ZCCHC14: variants seen among roughly 807,000 people sequenced by gnomAD.
The protein encoded by ZCCHC14 is zinc finger CCHC domain-containing protein 14.
A neutral mutation model predicts 85.0 loss-of-function variants in ZCCHC14; 16 were observed. That is an observed-to-expected ratio of 0.19 (90% CI 0.13 to 0.29). ZCCHC14 has a LOEUF of 0.29. ZCCHC14 is among the 10% of genes least tolerant of loss of function. The pLI is 1.00. For synonymous variants in ZCCHC14, 775 were observed against 630.7 expected, an observed-to-expected ratio of 1.23 and a Z score of -3.43; for missense variants, 1,303 against 1,443.5, an observed-to-expected ratio of 0.90 and a Z score of 1.58.
chr16:87,436,991 C>A (rs539477606), intron 2 of ZCCHC14, among the ~76,000 whole-genome samples: 3 of 152,246 alleles, frequency 2.0e-5, no homozygotes, highest in South Asian at 2.1e-4. Flanking sequence ...TGGCCGCCTT[C>A]CCCTCCCTCC....
chr16:87,427,981 T>G (rs1909461817), intron 3 of ZCCHC14, among the ~76,000 whole-genome samples: 1 of 151,036 alleles, frequency 6.6e-6, no homozygotes, highest in African/African-American at 2.4e-5. Context: ...CTCACTGTGT[T>G]GCCCAGGCTA....
intron 1 of ZCCHC14, chr16:87,467,533 A>C (rs1911582150): frequency 6.2e-7 from 1 of 1,602,108 alleles, no homozygotes; most frequent in South Asian, 1.1e-5. Context: ...CAGTAGGATC[A>C]GAAGCCTATT....
chr16:87,444,671 A>G (rs1028279260), intron 2 of ZCCHC14, among the ~76,000 whole-genome samples: 2 of 152,202 alleles, frequency 1.3e-5, no homozygotes, highest in East Asian at 3.8e-4. Flanking sequence ...AGAAGTATCA[A>G]ACAAACCCAG....
intron 1 of ZCCHC14, among the ~76,000 whole-genome samples, chr16:87,485,816 T>C (rs1169593302): frequency 1.3e-5 from 2 of 152,156 alleles, no homozygotes; most frequent in Non-Finnish European, 2.9e-5. Flanking sequence ...GAAAAGCATG[T>C]TAATTCAAAA....
rs1169706788 is a variant in ZCCHC14 at position 87,410,307 on chromosome 16, T to C, written c.3234A>G (p.Pro1078=). ...AATCTGTGGAGTCCAGACTTTCTGC[T>C]GGAGGGGCGTATTTCAACCTAAAAG... The part of the protein sequence containing the change: ...PGTFRLKYAP[P]AESLDSTD The change falls in exon 13 of 13, where the codon CCA becomes CCG. Residue 1078 remains proline (P), a synonymous_variant. Transcript: ENST00000671377. The C allele has an allele frequency of 1.3e-6, 1 of 776,814 alleles. No individual in the cohort carries two copies. Among genetic ancestry groups the C allele is most frequent in the Non-Finnish European group, 2.4e-6 (1 of 416,698 alleles). The allele number at this position is 776,814 out of a possible 1,614,324, so 48.1% of individuals were successfully genotyped here.
chr16:87,411,922 G>A lies in ZCCHC14; in HGVS notation c.2799C>T (p.Ser933=). 6.2e-7 allele frequency: 1 copy of A among 1,602,672 alleles called. No homozygotes were observed. The highest frequency in any genetic ancestry group is 1.1e-5 in the South Asian group (1 of 90,228). ...TGACAGTCAGGCCACTCGAGCCGCA[G>A]CTGCCGCTGCAGCCACAGGACGTGC... ...IVCTSCGCSG[S]CGSSGLTVSY... is the part of the protein sequence containing the mutation. Residue 933 remains serine (S), a synonymous_variant, in exon 12 of 13, where the codon AGC becomes AGT. Coordinates refer to ENST00000671377, the MANE Select transcript of ZCCHC14 (RefSeq NM_015144.3).
intron 2 of ZCCHC14, among the ~76,000 whole-genome samples, chr16:87,443,456 C>T (rs1910281290): frequency 6.6e-6 from 1 of 152,164 alleles, no homozygotes; most frequent in Non-Finnish European, 1.5e-5. Flanking sequence ...CTGACAGTGG[C>T]CAGGCATGGG....
chr16:87,417,924 C>T (rs566161044), intron 7 of ZCCHC14, 182 bp from the exon 8 acceptor site: 4 of 656,184 alleles, frequency 6.1e-6, no homozygotes, highest in Admixed American at 3.0e-5. Context: ...CCCCAACCAC[C>T]TTTCTGCAGC....
chr16:87,480,411 T>C (rs868321176), intron 1 of ZCCHC14, among the ~76,000 whole-genome samples: 1 of 151,794 alleles, frequency 6.6e-6, no homozygotes, highest in Non-Finnish European at 1.5e-5. Context: ...TCAAAAAAAA[T>C]AAATAAATAA....
chr16:87,479,409 T>A (rs1477552625), intron 1 of ZCCHC14, among the ~76,000 whole-genome samples: 1 of 134,704 alleles, frequency 7.4e-6, no homozygotes, highest in Non-Finnish European at 1.5e-5. Flanking sequence ...AACGCAAGAC[T>A]ACGTCTCAAA....
chr16:87,430,962 A>G (rs1327809519), intron 3 of ZCCHC14, among the ~76,000 whole-genome samples: 1 of 151,750 alleles, frequency 6.6e-6, no homozygotes, highest in Non-Finnish European at 1.5e-5. Context: ...CAACACGGTG[A>G]AACCCTATCT....
At chr16:87,464,248 C>T (rs1266777687) in intron 1 of ZCCHC14, among the ~76,000 whole-genome samples, 1 of 152,180 alleles carries the variant, frequency 6.6e-6, no homozygotes, top group Non-Finnish European at 1.5e-5. Flanking sequence ...TAGTGCTTCT[C>T]GGCCTCGACA....
chr16:87,481,550 G>GGGGGGGGGGGGGGGGGGGGGGGA (rs1912276473), intron 1 of ZCCHC14, among the ~76,000 whole-genome samples: 1 of 61,666 alleles, frequency 1.6e-5, no homozygotes, highest in Non-Finnish European at 3.8e-5. Context: ...GGTGGGGGGG[G>GGGGGGGGGGGGGGGGGGGGGGGA]GGAAGGGTAA....
intron 3 of ZCCHC14, among the ~76,000 whole-genome samples, chr16:87,425,284 A>G (rs1909311086): frequency 6.6e-6 from 1 of 152,146 alleles, no homozygotes; most frequent in African/African-American, 2.4e-5. Context: ...ACCTAAAATG[A>G]AAATGCTTGA....
In ZCCHC14 at chr16:87,411,964, C is replaced by A. The variant is rs747726837; in HGVS notation, c.2757G>T (p.Pro919=). ...AGGACGTGCACACAATGCAGCCTGGCGGGGGTGGGGCGGGCTGCGGGGGTG... is the reference window on the plus strand; with the variant it reads ...AGGACGTGCACACAATGCAGCCTGGAGGGGGTGGGGCGGGCTGCGGGGGTG... ...PPAPPQPAPP[P]PGCIVCTSCG... Residue 919 remains proline, a synonymous_variant, in exon 12 of 13, where the codon CCG becomes CCT. Coordinates refer to ENST00000671377, the MANE Select transcript of ZCCHC14 (RefSeq NM_015144.3). 1.3e-6 allele frequency: 2 copies of A among 1,593,866 alleles called. No individual in the cohort carries two copies. Among genetic ancestry groups the A allele is most frequent in the Non-Finnish European group, 1.7e-6 (2 of 1,171,454 alleles).
intron 2 of ZCCHC14, among the ~76,000 whole-genome samples, chr16:87,443,641 G>A (rs1428907061): frequency 1.3e-5 from 2 of 152,218 alleles, no homozygotes; most frequent in East Asian, 1.9e-4. Flanking sequence ...GGAGGCCAAG[G>A]CTGGGGGATC....
intron 1 of ZCCHC14, among the ~76,000 whole-genome samples, chr16:87,488,236 C>T (rs912410618): frequency 1.4e-4 from 21 of 152,274 alleles, no homozygotes; most frequent in Admixed American, 1.2e-3. Flanking sequence ...TTTATTTTAA[C>T]TATTTCCAAA....
At chr16:87,458,274 G>C (rs1392957691) in intron 2 of ZCCHC14, among the ~76,000 whole-genome samples, 1 of 152,174 alleles carries the variant, frequency 6.6e-6, no homozygotes, top group Non-Finnish European at 1.5e-5. Flanking sequence ...TGGCATGGGG[G>C]AAGGAAGAGG....
intron 1 of ZCCHC14, chr16:87,467,046 T>TTG: frequency 3.3e-4 from 7 of 20,942 alleles, no homozygotes; most frequent in Admixed American, 6.6e-4. Flanking sequence ...AAAAAAATTG[T>TTG]TTTTTTTTTT....
Sources: gnomAD v4.1 joint callset for allele counts (sites outside exome capture counted in the v4.1 genomes callset) on GRCh38, gnomAD v4.1.1 for gene constraint, MANE v1.5 for transcripts, NCBI Gene and HGNC (gene_info 2026-07-23, HGNC 2026-07-21) for gene names.